UNKL: variants seen among roughly 807,000 people sequenced by gnomAD.
UNKL encodes the protein unk like zinc finger.
UNKL carries 60 observed loss-of-function variants against 78.0 expected under a neutral mutation model. The observed-to-expected ratio is 0.77, with a 90% confidence interval of 0.63 to 0.95. The LOEUF is 0.95. UNKL is among the 40% of genes least tolerant of loss of function. The pLI, the probability that UNKL is intolerant of heterozygous loss-of-function variation, is 0.00. For missense variants in UNKL, 1,159 were observed against 1,045.7 expected, an observed-to-expected ratio of 1.11 and a Z score of -1.49; for synonymous variants, 608 against 474.8, an observed-to-expected ratio of 1.28 and a Z score of -3.65.
At chr16:1,383,063 G>A (rs2036662538) in intron 10 of UNKL, among the ~76,000 whole-genome samples, 1 of 150,276 alleles carries the variant, frequency 6.7e-6, no homozygotes. Context: ...ATCAAGACCA[G>A]GCTGGCCAAT....
At chr16:1,374,928 C>A (rs761413268) in intron 10 of UNKL, among the ~76,000 whole-genome samples, 1 of 152,246 alleles carries the variant, frequency 6.6e-6, no homozygotes, top group Non-Finnish European at 1.5e-5. Flanking sequence ...TGAAGAAGAA[C>A]GCTGCCCTAG....
chr16:1,367,157 T>G lies in UNKL; in HGVS notation c.1981A>C (p.Ile661Leu). 2 of 1,603,708 alleles carry G rather than the reference T, an allele frequency of 1.2e-6. No homozygotes were observed. The highest frequency in any genetic ancestry group is 1.7e-6 in the Non-Finnish European group (2 of 1,177,284). The part of the protein sequence containing the change: ...GLRGCGDIGT[I>L]PLPKLHSLQS... ...AGCGAGTGCAGCTTCGGCAGGGGAA[T>G]GGTGCCGATGTCCCCACAGCCCCGC... The change falls in exon 14 of 15, where the codon ATT (isoleucine) becomes CTT (leucine). Residue 661 changes from isoleucine (I) to leucine (L), a missense_variant. Coordinates refer to ENST00000389221, the MANE Select transcript of UNKL (RefSeq NM_001372107.1).
chr16:1,385,827 C>T (rs577931720), intron 9 of UNKL, among the ~76,000 whole-genome samples: 1 of 152,328 alleles, frequency 6.6e-6, no homozygotes, highest in East Asian at 1.9e-4. Flanking sequence ...CCTTGGGGGG[C>T]CCCCAGAGAA....
At chr16:1,379,393 C>G in intron 10 of UNKL, 21 of 867,998 alleles carry the variant, frequency 2.4e-5, no homozygotes, top group Non-Finnish European at 2.9e-5. Flanking sequence ...GCAGGCGGCC[C>G]GAGCCCGCGC....
rs1344463496 is a variant in UNKL at position 1,366,204 on chromosome 16, A to C, written c.*36T>G. 2 of 1,475,890 alleles carry C rather than the reference A, an allele frequency of 1.4e-6. No individual in the cohort carries two copies. Among genetic ancestry groups the C allele is most frequent in the African/African-American group, 2.8e-5 (2 of 71,540 alleles). The allele number at this position is 1,475,890 out of a possible 1,614,324, so 91.4% of individuals were successfully genotyped here. A position where few individuals can be genotyped will look rare whatever the true frequency, so the allele number is the denominator to read the frequency against. ...CGTGGTCAGGAGGAGCGCTGGAGCC[A>C]GGGTGCCCAGCAGGAGGTGGCTGTC... On this transcript the variant is annotated 3_prime_UTR_variant, in exon 15 of 15. Transcript: ENST00000389221.
At position 1,365,358 on chromosome 16, in the gene UNKL, G is replaced by A. The variant is rs775181537; in HGVS notation, c.*882C>T. On this transcript the variant is annotated 3_prime_UTR_variant, in exon 15 of 15. Coordinates refer to ENST00000389221, the MANE Select transcript of UNKL (RefSeq NM_001372107.1). Reference sequence around the variant, plus strand: ...ATCCCCTCTGCTGCGTTTTTTGTTAGTATCAAACTGTCTTTCAGAGGGTTA... The same window carrying A: ...ATCCCCTCTGCTGCGTTTTTTGTTAATATCAAACTGTCTTTCAGAGGGTTA... The A allele has an allele frequency of 1.3e-5, 2 of 152,176 alleles. No individual in the cohort carries two copies. Among genetic ancestry groups the A allele is most frequent in the Admixed American group, 1.3e-4 (2 of 15,272 alleles). The allele number at this position is 152,176 out of a possible 1,614,324, so 9.4% of individuals were successfully genotyped here.
chr16:1,375,997 C>T (rs2036185602), intron 10 of UNKL, among the ~76,000 whole-genome samples: 1 of 152,198 alleles, frequency 6.6e-6, no homozygotes, highest in South Asian at 2.1e-4. Flanking sequence ...GGCAGAGGAC[C>T]ACGCACTGAG....
intron 4 of UNKL, among the ~76,000 whole-genome samples, chr16:1,400,379 C>G (rs1024273311): frequency 3.4e-5 from 4 of 116,946 alleles, no homozygotes; most frequent in African/African-American, 1.3e-4. Flanking sequence ...GATTGTGCCA[C>G]TGCACTCCAG....
chr16:1,367,496 CCCTCCCTCCCTCCCTCCCCCT>C (rs1315288608), intron 13 of UNKL, 139 bp downstream of exon 13: 200 of 742,648 alleles, frequency 2.7e-4, no homozygotes, highest in Middle Eastern at 1.6e-3. Flanking sequence ...CTCCCTCCCT[CCCTCCCTCCCTCCCTCCCCCT>C]CCCGTCTCAC....
intron 2 of UNKL, among the ~76,000 whole-genome samples, chr16:1,404,645 C>T (rs1363928952): frequency 6.6e-6 from 1 of 152,178 alleles, no homozygotes; most frequent in Non-Finnish European, 1.5e-5. Context: ...GCAGGGTCTT[C>T]AGGAGACACC....
At chr16:1,411,697 C>T (rs1451766479) in intron 2 of UNKL, among the ~76,000 whole-genome samples, 2 of 151,880 alleles carry the variant, frequency 1.3e-5, no homozygotes, top group African/African-American at 4.8e-5. Flanking sequence ...TGGTGGCACG[C>T]GCCTGTAATC....
chr16:1,379,399 C>A (rs1596691168), intron 10 of UNKL: 1 of 898,938 alleles, frequency 1.1e-6, no homozygotes, highest in Non-Finnish European at 1.3e-6. Context: ...GGCCCGAGCC[C>A]GCGCTGGGAA....
chr16:1,413,145 T>G (rs2038116863), intron 2 of UNKL, among the ~76,000 whole-genome samples: 1 of 149,400 alleles, frequency 6.7e-6, no homozygotes, highest in African/African-American at 2.5e-5. Flanking sequence ...CTTGGGAGGC[T>G]GAGAAGGGAA....
intron 9 of UNKL, among the ~76,000 whole-genome samples, chr16:1,389,955 T>G (rs893494493): frequency 2.0e-5 from 3 of 152,150 alleles, no homozygotes; most frequent in African/African-American, 4.8e-5. Flanking sequence ...AGGTGTGAGC[T>G]ACTGTGCCCA....
In UNKL at chr16:1,398,795, C is replaced by G. The variant is rs1159855437; in HGVS notation, c.734+579G>C. On this transcript the variant is annotated intron_variant, in intron 5 of 14. Transcript: ENST00000389221. ...GAAAGGGGCTTCAGAGGCAAGCAGG[C>G]TGCGAGGTGCCAAACCCACAAGCCA... 3 of 1,542,868 alleles carry G rather than the reference C, an allele frequency of 1.9e-6. No individual in the cohort carries two copies. In the African/African-American group the frequency reaches 4.1e-5, roughly 21 times the overall value.
At position 1,394,139 on chromosome 16, in the gene UNKL, T is replaced by G; in HGVS notation, c.929A>C (p.His310Pro). ...CAGGGACGGTTACTCACTCTCAACG[T>G]GTGCAAAGGCACAGAAGGGGCCGCG... ...CPRGPFCAFA[H>P]VEKSLGMVNE... Residue 310 changes from histidine to proline, a missense_variant, in exon 7 of 15, where the codon CAC becomes CCC. Coordinates refer to ENST00000389221, the MANE Select transcript of UNKL (RefSeq NM_001372107.1). 6.4e-7 allele frequency: 1 copy of G among 1,550,582 alleles called. No individual in the cohort carries two copies. Among genetic ancestry groups the G allele is most frequent in the Non-Finnish European group, 8.7e-7 (1 of 1,146,924 alleles).
At chr16:1,390,767 T>C in intron 8 of UNKL, 73 bp from the exon 9 acceptor site, 1 of 1,493,676 alleles carries the variant, frequency 6.7e-7, no homozygotes, top group Non-Finnish European at 9.0e-7. Context: ...CAATTCAGGC[T>C]GGGCACAGTG....
At chr16:1,402,727 G>A (rs369433063) in intron 3 of UNKL, among the ~76,000 whole-genome samples, 2 of 151,880 alleles carry the variant, frequency 1.3e-5, no homozygotes, top group South Asian at 2.1e-4. Flanking sequence ...GTGGCTCACT[G>A]TAATCCCAGC....
chr16:1,406,361 T>C (rs1189144792), intron 2 of UNKL, among the ~76,000 whole-genome samples: 1 of 152,140 alleles, frequency 6.6e-6, no homozygotes. Context: ...TACAGGCACC[T>C]GCCACCATGC....
Sources: allele counts gnomAD v4.1 joint callset (sites outside exome capture counted in the v4.1 genomes callset), GRCh38; gene constraint gnomAD v4.1.1; transcripts MANE v1.5; gene names NCBI Gene and HGNC (gene_info 2026-07-23, HGNC 2026-07-21).